The following AFG2A variants were observed in gnomAD, a reference collection of about 807,000 sequenced individuals.
AFG2A encodes the protein AAA ATPase AFG2A, also known as ATPase family gene 2 protein homolog A.
the AFG2A span, among the ~76,000 whole-genome samples, chr4:123,030,531 A>G: frequency 1.3e-5 from 2 of 152,204 alleles, no homozygotes; most frequent in Admixed American, 1.3e-4. Flanking sequence ...ACAGACAGAA[A>G]AGCCACATGA....
the AFG2A span, among the ~76,000 whole-genome samples, chr4:123,206,080 A>T: frequency 2.6e-5 from 4 of 152,128 alleles, no homozygotes; most frequent in Non-Finnish European, 5.9e-5. Flanking sequence ...TTTCCTGATG[A>T]CCTAACAAAT....
chr4:123,026,744 A>T, the AFG2A span, among the ~76,000 whole-genome samples: 1 of 152,234 alleles, frequency 6.6e-6, no homozygotes, highest in Non-Finnish European at 1.5e-5. Context: ...TGGGGTCTAT[A>T]CATACTTGTA....
chr4:123,280,639 C>G, the AFG2A span, among the ~76,000 whole-genome samples: 1 of 152,210 alleles, frequency 6.6e-6, no homozygotes, highest in Non-Finnish European at 1.5e-5. Context: ...AGCTAGCAGC[C>G]TAGCATCTTC....
At chr4:123,297,384 CA>C in the AFG2A span, among the ~76,000 whole-genome samples, 11 of 152,084 alleles carry the variant, frequency 7.2e-5, no homozygotes, top group African/African-American at 2.7e-4. Context: ...TTGTATAGCC[CA>C]AAATGTTACC....
chr4:123,194,344 GTGTTTTAAGAAAGCTTGCTAATTT>G, the AFG2A span, among the ~76,000 whole-genome samples: 1 of 152,198 alleles, frequency 6.6e-6, no homozygotes, highest in Non-Finnish European at 1.5e-5. Flanking sequence ...AAAAATCTCA[GTGTTTTAAGAAAGCTTGCTAATTT>G]GTTTTGGGCC....
At chr4:123,246,479 C>T in the AFG2A span, among the ~76,000 whole-genome samples, 1 of 152,168 alleles carries the variant, frequency 6.6e-6, no homozygotes, top group African/African-American at 2.4e-5. Context: ...AAGGACCAAA[C>T]TCCTTGGCAT....
the AFG2A span, among the ~76,000 whole-genome samples, chr4:123,100,754 A>G: frequency 6.6e-5 from 10 of 152,064 alleles, no homozygotes; most frequent in Non-Finnish European, 7.4e-5. Context: ...AAAGTCTGCT[A>G]AATAATAGTT....
the AFG2A span, among the ~76,000 whole-genome samples, chr4:123,198,788 T>A: frequency 6.6e-6 from 1 of 152,184 alleles, no homozygotes; most frequent in Admixed American, 6.5e-5. Context: ...AATGTATTTC[T>A]TAATATATTT....
chr4:123,087,110 T>A, the AFG2A span, among the ~76,000 whole-genome samples: 1 of 152,244 alleles, frequency 6.6e-6, no homozygotes, highest in Admixed American at 6.5e-5. Flanking sequence ...TCTGTCTTCG[T>A]AGGCCTTGTA....
chr4:123,052,119 C>T, the AFG2A span, among the ~76,000 whole-genome samples: 3 of 151,472 alleles, frequency 2.0e-5, no homozygotes, highest in South Asian at 2.1e-4. Flanking sequence ...TCCCATAAAC[C>T]GTTCATTTCT....
the AFG2A span, among the ~76,000 whole-genome samples, chr4:123,311,741 C>T: frequency 6.6e-6 from 1 of 151,410 alleles, no homozygotes; most frequent in Non-Finnish European, 1.5e-5. Context: ...ACCCTAAGGA[C>T]AGCCTTCTAG....
At chr4:123,174,826 AAT>A in the AFG2A span, among the ~76,000 whole-genome samples, 62 of 150,360 alleles carry the variant, frequency 4.1e-4, no homozygotes, top group African/African-American at 1.2e-3. Flanking sequence ...TTTTAAAAAA[AAT>A]ATATATATAT....
chr4:123,148,227 C>T, the AFG2A span, among the ~76,000 whole-genome samples: 1 of 152,106 alleles, frequency 6.6e-6, no homozygotes, highest in Non-Finnish European at 1.5e-5. Flanking sequence ...GCAAAAATCT[C>T]AATTTTCTTT....
At chr4:123,015,791 C>T in the AFG2A span, among the ~76,000 whole-genome samples, 3 of 104,884 alleles carry the variant, frequency 2.9e-5, no homozygotes, top group South Asian at 3.6e-4. Flanking sequence ...CCTCCCGGAC[C>T]GGGCGGCTCG....
the AFG2A span, among the ~76,000 whole-genome samples, chr4:123,121,256 A>T: frequency 0.17 from 13,330 of 80,294 alleles, 795 homozygotes; most frequent in Non-Finnish European, 0.32. Flanking sequence ...AGTAAAAAAA[A>T]AAAATAATAA....
the AFG2A span, among the ~76,000 whole-genome samples, chr4:123,058,609 G>C: frequency 2.6e-5 from 4 of 152,114 alleles, no homozygotes; most frequent in Admixed American, 2.0e-4. Context: ...TGGGCAACAA[G>C]AGCGAAACTC....
the AFG2A span, among the ~76,000 whole-genome samples, chr4:123,293,914 G>T: frequency 6.6e-6 from 1 of 152,160 alleles, no homozygotes; most frequent in Non-Finnish European, 1.5e-5. Context: ...TTATTTTGTG[G>T]CTGTATCATA....
At chr4:123,103,514 A>C in the AFG2A span, among the ~76,000 whole-genome samples, 1 of 152,108 alleles carries the variant, frequency 6.6e-6, no homozygotes, top group East Asian at 1.9e-4. Context: ...GTTCTTTCTT[A>C]AAAAAATTAT....
At chr4:123,260,804 A>T in the AFG2A span, among the ~76,000 whole-genome samples, 1 of 152,206 alleles carries the variant, frequency 6.6e-6, no homozygotes, top group Admixed American at 6.5e-5. Flanking sequence ...GCAGCAGTGT[A>T]CTTGTCTCCA....
Sources: gnomAD v4.1 joint callset for allele counts (sites outside exome capture counted in the v4.1 genomes callset) on GRCh38, gnomAD v4.1.1 for gene constraint, MANE v1.5 for transcripts, NCBI Gene and HGNC (gene_info 2026-07-23, HGNC 2026-07-21) for gene names.